Variants in MAP7 observed in about 807,000 individuals in gnomAD.
MAP7 encodes the protein ensconsin.
A neutral mutation model predicts 94.8 loss-of-function variants in MAP7; 52 were observed. The observed-to-expected ratio is 0.55, with a 90% CI of 0.44 to 0.69. The LOEUF (loss-of-function observed/expected upper bound fraction) is 0.69. Among genes scored for constraint, MAP7 ranks in the 30% least tolerant of loss-of-function variants. The probability of loss-of-function intolerance (pLI) is 0.00; values close to 1 mark genes in which losing one functional copy is unlikely to be tolerated. For synonymous variants in MAP7, 350 were observed against 357.0 expected (o/e 0.98, Z 0.22); for missense variants, 940 against 964.6 (o/e 0.97, Z 0.34).
At chr6:136,472,052 TCTAGCAAGAGTCAATTG>T (rs1194080799) in intron 1 of MAP7, among the ~76,000 whole-genome samples, 2 of 152,218 alleles carry the variant, frequency 1.3e-5, no homozygotes, top group African/African-American at 2.4e-5. Context: ...CTAGACTCTT[TCTAGCAAGAGTCAATTG>T]CTAGCAAGAG....
At chr6:136,361,995 C>CAA (rs1158647344) in intron 11 of MAP7, among the ~76,000 whole-genome samples, 1 of 152,184 alleles carries the variant, frequency 6.6e-6, no homozygotes, top group Admixed American at 6.5e-5. Context: ...TATATATACA[C>CAA]ACACACTCCC....
chr6:136,464,104 T>C (rs1806137749), intron 1 of MAP7, among the ~76,000 whole-genome samples: 1 of 152,224 alleles, frequency 6.6e-6, no homozygotes, highest in African/African-American at 2.4e-5. Context: ...CATTTCACCA[T>C]GAAATTATCT....
intron 3 of MAP7, among the ~76,000 whole-genome samples, chr6:136,392,740 C>T (rs1781155031): frequency 6.6e-6 from 1 of 152,084 alleles, no homozygotes; most frequent in Non-Finnish European, 1.5e-5. Context: ...ATATACCCAC[C>T]AACAGTGTAT....
chr6:136,359,677 C>T, intron 15 of MAP7, 143 bp downstream of exon 15: 1 of 734,758 alleles, frequency 1.4e-6, no homozygotes, highest in Non-Finnish European at 2.3e-6. Flanking sequence ...GAAGGAAGGA[C>T]TCGATGACAG....
chr6:136,526,210 C>T (rs911397543), intron 1 of MAP7: 56 of 1,234,030 alleles, frequency 4.5e-5, no homozygotes, highest in Non-Finnish European at 5.5e-5. Context: ...AGCCCCCTCC[C>T]ACTGACTCCC....
chr6:136,548,760 G>T (rs1303301261), intron 1 of MAP7, among the ~76,000 whole-genome samples: 2 of 152,170 alleles, frequency 1.3e-5, no homozygotes, highest in African/African-American at 2.4e-5. Flanking sequence ...TTATTTTTGA[G>T]CACAAACTAA....
At chr6:136,481,186 A>G (rs1448072000) in intron 1 of MAP7, among the ~76,000 whole-genome samples, 3 of 152,226 alleles carry the variant, frequency 2.0e-5, no homozygotes, top group African/African-American at 7.2e-5. Context: ...GTTAATTAGT[A>G]CAACTACTAT....
intron 11 of MAP7, among the ~76,000 whole-genome samples, chr6:136,361,703 G>GA (rs1407324468): frequency 6.6e-6 from 1 of 152,164 alleles, no homozygotes; most frequent in Non-Finnish European, 1.5e-5. Flanking sequence ...CAATTATATT[G>GA]ACATTCGTCT....
chr6:136,380,706 C>T (rs1037304790), intron 6 of MAP7, among the ~76,000 whole-genome samples: 5 of 152,138 alleles, frequency 3.3e-5, no homozygotes, highest in African/African-American at 1.2e-4. Context: ...ATTACAGAAA[C>T]CTTTCATAAT....
At chr6:136,391,733 A>C (rs1780832546) in intron 3 of MAP7, among the ~76,000 whole-genome samples, 1 of 152,188 alleles carries the variant, frequency 6.6e-6, no homozygotes, top group African/African-American at 2.4e-5. Flanking sequence ...GAAAAAATAA[A>C]TACCACTGTG....
intron 1 of MAP7, among the ~76,000 whole-genome samples, chr6:136,499,363 A>G (rs146958557): frequency 3.6e-4 from 55 of 152,244 alleles, no homozygotes; most frequent in African/African-American, 1.3e-3. Context: ...ATTGTTCACA[A>G]TCCTAACTAA....
intron 1 of MAP7, among the ~76,000 whole-genome samples, chr6:136,508,870 T>C (rs1002154391): frequency 3.9e-5 from 6 of 152,200 alleles, no homozygotes; most frequent in Non-Finnish European, 7.3e-5. Flanking sequence ...AATGACTACA[T>C]AGGTTTCACT....
At chr6:136,423,749 A>T (rs567271126) in intron 1 of MAP7, among the ~76,000 whole-genome samples, 2 of 148,700 alleles carry the variant, frequency 1.3e-5, no homozygotes, top group Non-Finnish European at 1.5e-5. Context: ...ACAAAACCTC[A>T]GTAACAATGG....
chr6:136,471,458 CTTTCCT>C (rs377047928), intron 1 of MAP7, among the ~76,000 whole-genome samples: 65 of 152,244 alleles, frequency 4.3e-4, no homozygotes, highest in African/African-American at 1.5e-3. Flanking sequence ...TCGGGTTTTA[CTTTCCT>C]TTTCAACAGT....
intron 3 of MAP7, among the ~76,000 whole-genome samples, chr6:136,400,788 A>G (rs938946799): frequency 1.3e-5 from 2 of 152,152 alleles, no homozygotes; most frequent in African/African-American, 2.4e-5. Context: ...GTCACTCTAC[A>G]ATATTGCCTC....
At chr6:136,486,007 A>T (rs1264679823) in intron 1 of MAP7, among the ~76,000 whole-genome samples, 1 of 152,236 alleles carries the variant, frequency 6.6e-6, no homozygotes, top group African/African-American at 2.4e-5. Context: ...CATCAAGTAC[A>T]TCTAATAGAC....
intron 1 of MAP7, among the ~76,000 whole-genome samples, chr6:136,506,624 C>G (rs962786166): frequency 1.3e-5 from 2 of 152,182 alleles, no homozygotes; most frequent in African/African-American, 4.8e-5. Context: ...TCAACAGACT[C>G]CTTTTCACTG....
At chr6:136,503,041 G>A (rs1236779626) in intron 1 of MAP7, among the ~76,000 whole-genome samples, 1 of 152,142 alleles carries the variant, frequency 6.6e-6, no homozygotes, top group Non-Finnish European at 1.5e-5. Context: ...AATTATTCAT[G>A]CTAATGCCTT....
At chr6:136,373,251 T>C (rs61175959) in intron 7 of MAP7, among the ~76,000 whole-genome samples, 1,655 of 152,316 alleles carry the variant, frequency 0.011, 21 homozygotes, top group East Asian at 0.039. Flanking sequence ...CAGGAAAATA[T>C]TCTGTACATG....
Sources: allele counts gnomAD v4.1 joint callset (sites outside exome capture counted in the v4.1 genomes callset), GRCh38; gene constraint gnomAD v4.1.1; transcripts MANE v1.5; gene names NCBI Gene and HGNC (gene_info 2026-07-23, HGNC 2026-07-21).